Variants in SLC25A16 observed in about 807,000 individuals in gnomAD.
SLC25A16 encodes the protein mitochondrial coenzyme A transporter SLC25A16.
Under a neutral mutation model 41.5 loss-of-function variants are expected in SLC25A16, and 39 were observed. That is an observed-to-expected ratio of 0.94 (90% CI 0.73 to 1.23). The LOEUF (loss-of-function observed/expected upper bound fraction) is 1.23. Ranked by LOEUF, SLC25A16 falls within the 50% of genes most tolerant of loss-of-function variation. The pLI is 0.00. For synonymous variants in SLC25A16, 146 were observed against 147.8 expected (o/e 0.99, Z 0.09); for missense variants, 421 against 426.9 (o/e 0.99, Z 0.12).
chr10:68,490,235 T>C (rs1320277977), intron 6 of SLC25A16, among the ~76,000 whole-genome samples: 5 of 152,072 alleles, frequency 3.3e-5, no homozygotes, highest in Non-Finnish European at 5.9e-5. Flanking sequence ...TGCACTCAGC[T>C]ATGATTGCAC....
chr10:68,497,548 G>A (rs2052769450), intron 4 of SLC25A16, among the ~76,000 whole-genome samples: 1 of 151,082 alleles, frequency 6.6e-6, no homozygotes, highest in South Asian at 2.1e-4. Context: ...AGCCACAATA[G>A]AAACCATTAT....
At chr10:68,496,075 G>T (rs2394476) in intron 4 of SLC25A16, among the ~76,000 whole-genome samples, 150,887 of 152,298 alleles carry the variant, frequency 0.99, 74,762 homozygotes, top group Middle Eastern at 1. Flanking sequence ...TATGTACTTT[G>T]TTACCCTTTC....
In SLC25A16 at chr10:68,527,337, G is replaced by GGCCGCCGCCAGGGCTGCCGCGGCCGTC. The variant is rs983312910; in HGVS notation, c.12_38dup (p.Thr5_Ala13dup). The GGCCGCCGCCAGGGCTGCCGCGGCCGTC allele has an allele frequency of 3.3e-6, 5 of 1,531,880 alleles. No individual in the cohort carries two copies. The highest frequency in any genetic ancestry group is 3.5e-6 in the Non-Finnish European group (4 of 1,140,726). The allele number at this position is 1,531,880 out of a possible 1,614,324, so 94.9% of individuals were successfully genotyped here. On this transcript the variant is annotated inframe_insertion, in exon 1 of 9. Coordinates refer to ENST00000609923, the MANE Select transcript of SLC25A16 (RefSeq NM_152707.4). Reference sequence around the variant, plus strand: ...CCTGCGGCATTGCGGGAGGGGGATCGGCCGCCGCCAGGGCTGCCGCGGCCG... The same window carrying GGCCGCCGCCAGGGCTGCCGCGGCCGTC: ...CCTGCGGCATTGCGGGAGGGGGATCGGCCGCCGCCAGGGCTGCCGCGGCCGTCGCCGCCGCCAGGGCTGCCGCGGCCG...
At chr10:68,503,754 G>A in intron 3 of SLC25A16, 59 bp from the exon 4 acceptor site, 3 of 996,224 alleles carry the variant, frequency 3.0e-6, no homozygotes, top group Non-Finnish European at 3.1e-6. Flanking sequence ...CCATTTCACT[G>A]TTTAATAATG....
At chr10:68,488,358 G>A (rs956591962) in intron 7 of SLC25A16, 109 bp downstream of exon 7, 6 of 729,404 alleles carry the variant, frequency 8.2e-6, no homozygotes, top group African/African-American at 5.6e-5. Context: ...TATTTTGCAA[G>A]GATCCTCTTT....
intron 1 of SLC25A16, among the ~76,000 whole-genome samples, chr10:68,522,138 G>A (rs755595697): frequency 2.7e-5 from 4 of 150,942 alleles, no homozygotes; most frequent in African/African-American, 7.3e-5. Flanking sequence ...ACTCCAGCCT[G>A]GACAACAGAG....
intron 4 of SLC25A16, chr10:68,500,010 AAAAAG>A (rs1590106061): frequency 2.6e-6 from 1 of 384,258 alleles, no homozygotes; most frequent in South Asian, 3.0e-5. Context: ...TCGAAATAAA[AAAAAG>A]AAAATACAAA....
chr10:68,525,518 A>G (rs1043695024), intron 1 of SLC25A16, among the ~76,000 whole-genome samples: 1 of 152,010 alleles, frequency 6.6e-6, no homozygotes, highest in East Asian at 1.9e-4. Context: ...TAGTGGTGTG[A>G]TCATGGCTTA....
At position 68,527,459 on chromosome 10, in the gene SLC25A16, A is replaced by T; in HGVS notation, c.-84T>A. 7.6e-7 allele frequency: 1 copy of T among 1,322,984 alleles called. No homozygotes were observed. The allele number at this position is 1,322,984 out of a possible 1,614,324, so 82.0% of individuals were successfully genotyped here. A position where few individuals can be genotyped will look rare whatever the true frequency, so the allele number is the denominator to read the frequency against. On this transcript the variant is annotated 5_prime_UTR_variant, in exon 1 of 9. Coordinates refer to ENST00000609923, the MANE Select transcript of SLC25A16 (RefSeq NM_152707.4). ...CATAGCCGGAACAGGCGGTGACAGG[A>T]GGCTGACCGCCCCGCCGGCGGGGCA...
chr10:68,516,400 T>TAA (rs201988518), intron 2 of SLC25A16, among the ~76,000 whole-genome samples: 1 of 147,214 alleles, frequency 6.8e-6, no homozygotes, highest in African/African-American at 2.5e-5. Flanking sequence ...CTGGGGAAGG[T>TAA]AAAAAAAAAA....
At chr10:68,491,557 G>A (rs2052658765) in intron 6 of SLC25A16, among the ~76,000 whole-genome samples, 1 of 151,810 alleles carries the variant, frequency 6.6e-6, no homozygotes, top group Non-Finnish European at 1.5e-5. Flanking sequence ...TTGATTTTTA[G>A]AGACAAGGTC....
At position 68,527,232 on chromosome 10, in the gene SLC25A16, T is replaced by A. The variant is rs1481758021; in HGVS notation, c.130+14A>T. On this transcript the variant is annotated intron_variant, in intron 1 of 8. Transcript: ENST00000609923. The stretch of plus-strand genomic sequence containing the variant: ...CACTCAGAGCGCGGCTGGCTCTTCG[T>A]GGCATGGACCCACCTCCGGCCAGAA... 1.3e-6 allele frequency: 2 copies of A among 1,545,366 alleles called. No individual in the cohort carries two copies. Among genetic ancestry groups the A allele is most frequent in the African/African-American group, 1.4e-5 (1 of 71,796 alleles).
chr10:68,493,457 A>G lies in SLC25A16; in HGVS notation c.535T>C (p.Tyr179His). ...AGGTAAATATGAAATACCTTTGCAT[A>G]AATTGTTTTGAAAGCATGAATAATT... ...TGIIHAFKTIYAKEGGFFGFY... is the reference protein window; with the variant it reads ...TGIIHAFKTIHAKEGGFFGFY... The change falls in exon 5 of 9, where the codon TAT becomes CAT. Residue 179 changes from tyrosine to histidine, a missense_variant. Coordinates refer to ENST00000609923, the MANE Select transcript of SLC25A16 (RefSeq NM_152707.4). The G allele has an allele frequency of 6.2e-7, 1 of 1,613,086 alleles. No individual in the cohort carries two copies. The highest frequency in any genetic ancestry group is 8.5e-7 in the Non-Finnish European group (1 of 1,179,164).
chr10:68,509,381 A>G lies in SLC25A16; in HGVS notation c.224-2663T>C, dbSNP rs181711862. Among the ~76,000 whole-genome samples, 549 of 151,750 alleles carry G rather than the reference A, an allele frequency of 3.6e-3. 4 individuals are homozygous for G. The highest frequency in any genetic ancestry group is 0.013 in the African/African-American group (529 of 41,376). On this transcript the variant is annotated intron_variant, in intron 2 of 8. Coordinates refer to ENST00000609923, the MANE Select transcript of SLC25A16 (RefSeq NM_152707.4). ...GGGACAAGGAGAAATTTTTAAATAT[A>G]CTCCTTCCTTATAATTTGAGGAAAA... is the stretch of plus-strand genomic sequence containing the variant.
intron 4 of SLC25A16, among the ~76,000 whole-genome samples, chr10:68,501,767 T>C (rs1252797665): frequency 1.3e-5 from 2 of 151,798 alleles, no homozygotes; most frequent in East Asian, 3.9e-4. Context: ...AATAACTTTT[T>C]TTGGCAAAAA....
At chr10:68,500,150 A>G (rs2052816887) in intron 4 of SLC25A16, among the ~76,000 whole-genome samples, 1 of 152,228 alleles carries the variant, frequency 6.6e-6, no homozygotes, top group South Asian at 2.1e-4. Context: ...CTACATTAAA[A>G]TGATCATTAA....
intron 2 of SLC25A16, 102 bp downstream of exon 2, chr10:68,516,649 A>G (rs541754678): frequency 1.4e-6 from 1 of 709,330 alleles, no homozygotes; most frequent in South Asian, 2.3e-5. Flanking sequence ...TTTAAAGAGG[A>G]ACCTCTACTT....
rs921034436 is a variant in SLC25A16, at chr10:68,478,403, T to G, written c.*5029A>C. On this transcript the variant is annotated 3_prime_UTR_variant, in exon 9 of 9. Transcript: ENST00000609923. Reference sequence around the variant, plus strand: ...GTTTCAAAGAATAGATGCGAGGAACTATGTAAAGTGTATGCTTGCTATACA... The same window carrying G: ...GTTTCAAAGAATAGATGCGAGGAACGATGTAAAGTGTATGCTTGCTATACA... 4 of 152,210 alleles carry G rather than the reference T, an allele frequency of 2.6e-5. No homozygotes were observed. Among genetic ancestry groups the G allele is most frequent in the African/African-American group, 9.6e-5 (4 of 41,462 alleles). The allele number at this position is 152,210 out of a possible 1,614,324, so 9.4% of individuals were successfully genotyped here.
At chr10:68,487,273 G>T in intron 7 of SLC25A16, 61 bp from the exon 8 acceptor site, 1 of 1,146,960 alleles carries the variant, frequency 8.7e-7, no homozygotes, top group South Asian at 1.2e-5. Flanking sequence ...AACAACTATT[G>T]AATACAAAGC....
Sources: allele counts gnomAD v4.1 joint callset (sites outside exome capture counted in the v4.1 genomes callset), GRCh38; gene constraint gnomAD v4.1.1; transcripts MANE v1.5; gene names NCBI Gene and HGNC (gene_info 2026-07-23, HGNC 2026-07-21).